SUSD2: variants seen among roughly 807,000 people sequenced by gnomAD.
SUSD2 encodes sushi domain-containing protein 2.
Under a neutral mutation model 93.8 loss-of-function variants are expected in SUSD2, and 86 were observed. The observed-to-expected ratio is 0.92, with a 90% CI of 0.77 to 1.10. The LOEUF is 1.10. SUSD2 is among the 50% of genes least tolerant of loss of function. The pLI is 0.00. For missense variants in SUSD2, 1,060 were observed against 1,137.0 expected, an observed-to-expected ratio of 0.93 and a Z score of 0.97; for synonymous variants, 483 against 485.0, an observed-to-expected ratio of 1.00 and a Z score of 0.05.
In SUSD2 at chr22:24,186,331, C is replaced by G; in HGVS notation, c.1558C>G (p.Leu520Val). 1 of 1,613,986 alleles carries G rather than the reference C, an allele frequency of 6.2e-7. No individual in the cohort carries two copies. Among genetic ancestry groups the G allele is most frequent in the Non-Finnish European group, 8.5e-7 (1 of 1,180,034 alleles). ...EGNSDVVEVR[L>V]ANRTGGLEVL... ...CAACTCAGATGTGGTGGAAGTCAGG[C>G]TGGCCAACAGGACCGGAGGTCTGGA... The change falls in exon 10 of 15, where the codon CTG becomes GTG. Residue 520 changes from leucine (L) to valine (V), a missense_variant. Transcript: ENST00000358321.
At position 24,183,651 on chromosome 22, in the gene SUSD2, G is replaced by A. The variant is rs769546946; in HGVS notation, c.439+5G>A. 4 of 1,609,388 alleles carry A rather than the reference G, an allele frequency of 2.5e-6. No individual in the cohort carries two copies. The highest frequency in any genetic ancestry group is 2.2e-5 in the East Asian group (1 of 44,884). ...GTGCGGGCACCTGGCTGGCTGGTGAGCCCTCCTCCCTGCCCACAGCCTGCC... is the reference window on the plus strand; with the variant it reads ...GTGCGGGCACCTGGCTGGCTGGTGAACCCTCCTCCCTGCCCACAGCCTGCC... On this transcript the variant is annotated splice_donor_5th_base_variant and intron_variant, in intron 3 of 14. Coordinates refer to ENST00000358321, the MANE Select transcript of SUSD2 (RefSeq NM_019601.4).
chr22:24,183,486 C>T lies in SUSD2; in HGVS notation c.288-9C>T, dbSNP rs369269105. On this transcript the variant is annotated splice_polypyrimidine_tract_variant and intron_variant, in intron 2 of 14. Coordinates refer to ENST00000358321, the MANE Select transcript of SUSD2 (RefSeq NM_019601.4). ...GACCCAGCCCCTCCCACCACCACCACGCCCACAGGTTTAAGGACAGCATCC... is the reference window on the plus strand; with the variant it reads ...GACCCAGCCCCTCCCACCACCACCATGCCCACAGGTTTAAGGACAGCATCC... 16 of 1,607,170 alleles carry T rather than the reference C, an allele frequency of 1.0e-5. No individual in the cohort carries two copies. Among genetic ancestry groups the T allele is most frequent in the East Asian group, 2.2e-5 (1 of 44,754 alleles).
chr22:24,188,513 C>A lies in SUSD2; in HGVS notation c.*77C>A. 1 of 1,397,642 alleles carries A rather than the reference C, an allele frequency of 7.2e-7. No homozygotes were observed. The allele number at this position is 1,397,642 out of a possible 1,614,324, so 86.6% of individuals were successfully genotyped here. A position where few individuals can be genotyped will look rare whatever the true frequency, so the allele number is the denominator to read the frequency against. ...CCCAGTCCTGCGACTCCCGCATCCCCAGGACCAGACACCTGGGACCTGGAT... is the reference window on the plus strand; with the variant it reads ...CCCAGTCCTGCGACTCCCGCATCCCAAGGACCAGACACCTGGGACCTGGAT... On this transcript the variant is annotated 3_prime_UTR_variant, in exon 15 of 15. Transcript: ENST00000358321. This position sits in a 1 kb window ranked among gnomAD's most constrained non-coding sequence, Gnocchi z 4.7.
At position 24,186,373 on chromosome 22, in the gene SUSD2, G is replaced by A. The variant is rs946503853; in HGVS notation, c.1600G>A (p.Glu534Lys). Reference protein sequence around the residue: ...TGGLEVLLNQEVLSFTEQSWM... With the variant: ...TGGLEVLLNQKVLSFTEQSWM... Reference sequence around the variant, plus strand: ...AGGTCTGGAGGTGCTGCTGAACCAGGAGGTGCTGAGCTTCACCGAGCAGAG... The same window carrying A: ...AGGTCTGGAGGTGCTGCTGAACCAGAAGGTGCTGAGCTTCACCGAGCAGAG... Residue 534 changes from glutamate (E) to lysine (K), a missense_variant, in exon 10 of 15, where the codon GAG becomes AAG. Around this residue, in one of 2 missense-constraint regions of SUSD2, gnomAD observed 973 missense variants for 1,005.3 expected, o/e 0.97. Coordinates refer to ENST00000358321, the MANE Select transcript of SUSD2 (RefSeq NM_019601.4). 1 of 1,613,822 alleles carries A rather than the reference G, an allele frequency of 6.2e-7. No individual in the cohort carries two copies. The highest frequency in any genetic ancestry group is 8.5e-7 in the Non-Finnish European group (1 of 1,180,042).
Position 24,184,192 on chromosome 22 carries a change from T to C in SUSD2, c.496T>C (p.Trp166Arg). The C allele has an allele frequency of 6.2e-7, 1 of 1,613,362 alleles. No homozygotes were observed. The highest frequency in any genetic ancestry group is 8.5e-7 in the Non-Finnish European group (1 of 1,179,976). Reference sequence around the variant, plus strand: ...GAGCGAGTTGGTGAACGAGACGCGTTGGCAATACTACGGCACCGCCAACAC... The same window carrying C: ...GAGCGAGTTGGTGAACGAGACGCGTCGGCAATACTACGGCACCGCCAACAC... ...EKSELVNETRWQYYGTANTSG... is the reference protein window; with the variant it reads ...EKSELVNETRRQYYGTANTSG... The change falls in exon 4 of 15, where the codon TGG becomes CGG. Residue 166 changes from tryptophan to arginine, a missense_variant. Trp to Arg is a moderately radical substitution (Grantham distance 101). Coordinates refer to ENST00000358321, the MANE Select transcript of SUSD2 (RefSeq NM_019601.4).
Position 24,185,894 on chromosome 22 carries a change from C to A in SUSD2, c.1304C>A (p.Ser435Tyr). 6.3e-7 allele frequency: 1 copy of A among 1,578,524 alleles called. No individual in the cohort carries two copies. The highest frequency in any genetic ancestry group is 2.3e-5 in the East Asian group (1 of 43,292). Residue 435 changes from serine (S) to tyrosine (Y), a missense_variant, in exon 8 of 15, where the codon TCC becomes TAC. Physicochemically the swap from Ser to Tyr is moderately radical, Grantham distance 144. Coordinates refer to ENST00000358321, the MANE Select transcript of SUSD2 (RefSeq NM_019601.4). ...CCCCGCTACATGCAACGGCGGCCCT[C>A]CAATGACTGCCGCAACTACCGGCCC... is the stretch of plus-strand genomic sequence containing the variant. ...DCPRYMQRRPSNDCRNYRPPR... is the reference protein window; with the variant it reads ...DCPRYMQRRPYNDCRNYRPPR...
chr22:24,187,579 C>A lies in SUSD2; in HGVS notation c.1900C>A (p.His634Asn). The A allele has an allele frequency of 6.2e-7, 1 of 1,611,730 alleles. No homozygotes were observed. The change falls in exon 12 of 15, where the codon CAC (histidine) becomes AAC (asparagine). Residue 634 changes from histidine to asparagine, a missense_variant. Coordinates refer to ENST00000358321, the MANE Select transcript of SUSD2 (RefSeq NM_019601.4). ...LFLFGANWTV[H>N]NASSLLTYDS... ...GGTCATGTATCTTCCAGGGACCGTG[C>A]ACAATGCGTCCTCCCTGCTCACCTA...
rs941670599 is a variant in SUSD2 at position 24,184,829 on chromosome 22, T to A, written c.671T>A (p.Ile224Asn). 8 of 1,613,828 alleles carry A rather than the reference T, an allele frequency of 5.0e-6. No individual in the cohort carries two copies. The highest frequency in any genetic ancestry group is 5.9e-6 in the Non-Finnish European group (7 of 1,179,922). Residue 224 changes from isoleucine (I) to asparagine (N), a missense_variant, in exon 5 of 15, where the codon ATC becomes AAC. Physicochemically the swap from Ile to Asn is moderately radical, Grantham distance 149 (BLOSUM62 -3). This residue lies in a region of SUSD2 where 973 missense variants were observed against 1,005.3 expected (regional missense o/e 0.97). Transcript: ENST00000358321. ...TACCTGTACCCCCTGGCCACACACA[T>A]CCCCAACTCCGGCTCTTTCACTTTC... is the stretch of plus-strand genomic sequence containing the variant. ...WSYLYPLATH[I>N]PNSGSFTFTP...
Position 24,182,362 on chromosome 22 carries a change from TGTG to T in SUSD2, c.77-691_77-689del, listed in dbSNP as rs1350544803. Reference sequence around the variant, plus strand: ...TTTGGGCCCGGCGCCCACAGCCCCTTGTGGTGTGCACCCCCACTTCCCTTTCCC... The same window carrying T: ...TTTGGGCCCGGCGCCCACAGCCCCTTGTGTGCACCCCCACTTCCCTTTCCC... On this transcript the variant is annotated intron_variant, in intron 1 of 14. Coordinates refer to ENST00000358321, the MANE Select transcript of SUSD2 (RefSeq NM_019601.4). Among the ~76,000 whole-genome samples, 6 of 152,302 alleles carry T rather than the reference TGTG, an allele frequency of 3.9e-5. No homozygotes were observed. In the South Asian group the frequency reaches 6.2e-4, roughly 16 times the overall value.
rs767153434 is a variant in SUSD2, at chr22:24,188,223, A to G, written c.2342-2A>G. ...CCTCACTGACACTCGCTCCCTCACC[A>G]GGACGCAGCTACGCGGTGCTGTTGG... On this transcript the variant is annotated splice_acceptor_variant, in intron 13 of 14. Coordinates refer to ENST00000358321, the MANE Select transcript of SUSD2 (RefSeq NM_019601.4). LOFTEE classifies it high-confidence loss of function. This position sits in a 1 kb window ranked among gnomAD's most constrained non-coding sequence, Gnocchi z 4.7. 1 of 1,593,482 alleles carries G rather than the reference A, an allele frequency of 6.3e-7. No individual in the cohort carries two copies. Among genetic ancestry groups the G allele is most frequent in the Non-Finnish European group, 8.6e-7 (1 of 1,167,056 alleles).
In SUSD2 at chr22:24,183,362, C is replaced by T. The variant is rs550365987; in HGVS notation, c.287+95C>T. ...CCCACTGACTGGCTGAGTGGAGCCC[C>T]TCGGACCCAGGACAGGCAGGAGGGC... On this transcript the variant is annotated intron_variant, in intron 2 of 14. Coordinates refer to ENST00000358321, the MANE Select transcript of SUSD2 (RefSeq NM_019601.4). 9.1e-6 allele frequency: 14 copies of T among 1,542,470 alleles called. No individual in the cohort carries two copies. The South Asian group carries it at 1.7e-4, about 18-fold the overall frequency.
Position 24,185,823 on chromosome 22 carries a change from C to T in SUSD2, c.1233C>T (p.Tyr411=), listed in dbSNP as rs370923101. 8.1e-6 allele frequency: 13 copies of T among 1,609,754 alleles called. No individual in the cohort carries two copies. The Admixed American group carries it at 1.3e-4, about 17-fold the overall frequency. The change falls in exon 8 of 15, where the codon TAC becomes TAT. Residue 411 remains tyrosine (Y), a synonymous_variant. Transcript: ENST00000358321. ...PRVPSMSHWL[Y]DVLSFYYCCL... ...TGCCCAGCATGTCCCACTGGCTCTACGATGTCCTCAGCTTCTATTACTGCT... is the reference window on the plus strand; with the variant it reads ...TGCCCAGCATGTCCCACTGGCTCTATGATGTCCTCAGCTTCTATTACTGCT...
chr22:24,184,339 T>G (rs1362183131), intron 4 of SUSD2, 36 bp downstream of exon 4: 2 of 1,603,540 alleles, frequency 1.2e-6, no homozygotes. Context: ...GCATCAGAGC[T>G]TTGGGCCCCC....
chr22:24,183,620 T>A lies in SUSD2; in HGVS notation c.413T>A (p.Phe138Tyr). Residue 138 changes from phenylalanine to tyrosine, a missense_variant, in exon 3 of 15, where the codon TTC (phenylalanine) becomes TAC (tyrosine). This residue lies in a region of SUSD2 where 973 missense variants were observed against 1,005.3 expected (regional missense o/e 0.97). Transcript: ENST00000358321. ...FTVSLDNGHSFPRAGTWLAVH... is the reference protein window; with the variant it reads ...FTVSLDNGHSYPRAGTWLAVH... ...GTGTCACTGGACAACGGCCACTCCT[T>A]CCCTCGTGCGGGCACCTGGCTGGCT... 6.2e-7 allele frequency: 1 copy of A among 1,612,584 alleles called. No homozygotes were observed. Among genetic ancestry groups the A allele is most frequent in the Non-Finnish European group, 8.5e-7 (1 of 1,179,962 alleles).
chr22:24,184,730 G>T, intron 4 of SUSD2, 36 bp from the exon 5 acceptor site: 1 of 1,527,236 alleles, frequency 6.5e-7, no homozygotes, highest in Non-Finnish European at 8.8e-7. Context: ...AGGCCTCGAA[G>T]GAACCCCAGG....
In SUSD2 at chr22:24,185,682, G is replaced by A. The variant is rs147091570; in HGVS notation, c.1092G>A (p.Gln364=). The part of the protein sequence containing the change: ...VQASLRYGSG[Q]QCCYTADGTQ... ...GCAGCCTCCGGTACGGCTCAGGTCAGCAGTGCTGCTACACAGCGGACGGGA... is the reference window on the plus strand; with the variant it reads ...GCAGCCTCCGGTACGGCTCAGGTCAACAGTGCTGCTACACAGCGGACGGGA... The change falls in exon 8 of 15, where the codon CAG becomes CAA. Residue 364 remains glutamine (Q), a synonymous_variant. Transcript: ENST00000358321. The A allele has an allele frequency of 1.2e-6, 2 of 1,610,690 alleles. No homozygotes were observed. Among genetic ancestry groups the A allele is most frequent in the Non-Finnish European group, 1.7e-6 (2 of 1,179,126 alleles).
chr22:24,185,345 C>T, intron 6 of SUSD2, 50 bp downstream of exon 6: 5 of 1,577,174 alleles, frequency 3.2e-6, no homozygotes, highest in Non-Finnish European at 3.4e-6. Flanking sequence ...TTAGCCTCCC[C>T]ACTGAGGACA....
chr22:24,183,441 C>T (rs1215081723), intron 2 of SUSD2, 54 bp from the exon 3 acceptor site: 22 of 1,580,164 alleles, frequency 1.4e-5, no homozygotes, highest in Admixed American at 6.8e-5. Context: ...CCCAGACCAT[C>T]GAGAGGCTCA....
At position 24,188,261 on chromosome 22, in the gene SUSD2, G is replaced by T; in HGVS notation, c.2378G>T (p.Gly793Val). ...GCGGTGCTGTTGGGCATCATCTTTG[G>T]GGGCCTCGCGGTGGTGGCGGCGGTT... is the stretch of plus-strand genomic sequence containing the variant. ...SYAVLLGIIF[G>V]GLAVVAAVAL... is the part of the protein sequence containing the mutation. Residue 793 changes from glycine to valine, a missense_variant, in exon 14 of 15, where the codon GGG (glycine) becomes GTG (valine). Physicochemically the swap from Gly to Val is moderately radical, Grantham distance 109 (BLOSUM62 -3). Transcript: ENST00000358321. The surrounding 1 kb of genome is among the most constrained non-coding windows in gnomAD (Gnocchi z 4.7). 1 of 1,604,500 alleles carries T rather than the reference G, an allele frequency of 6.2e-7. No individual in the cohort carries two copies. Among genetic ancestry groups the T allele is most frequent in the Non-Finnish European group, 8.5e-7 (1 of 1,174,692 alleles).
Sources: allele counts gnomAD v4.1 joint callset (sites outside exome capture counted in the v4.1 genomes callset), GRCh38; gene constraint gnomAD v4.1.1; regional missense constraint gnomAD v4.1.1; non-coding constraint Gnocchi (gnomAD v3.1); transcripts MANE v1.5; gene names NCBI Gene and HGNC (gene_info 2026-07-23, HGNC 2026-07-21).